Variants in DIS3 observed in about 807,000 individuals in gnomAD.
DIS3 encodes the protein DIS3 exosome endoribonuclease and 3'-5' exoribonuclease.
DIS3 carries 103 observed loss-of-function variants against 113.0 expected under a neutral mutation model. That is an observed-to-expected ratio of 0.91 (90% CI 0.78 to 1.07). DIS3 has a LOEUF of 1.07. Ranked by LOEUF, DIS3 falls within the 50% of genes least tolerant of loss-of-function variation. The probability of loss-of-function intolerance (pLI) is 0.00; values close to 1 mark genes in which losing one functional copy is unlikely to be tolerated. For missense variants in DIS3, 1,121 were observed against 1,167.1 expected, an observed-to-expected ratio of 0.96 and a Z score of 0.58; for synonymous variants, 402 against 394.3, an observed-to-expected ratio of 1.02 and a Z score of -0.23.
chr13:72,755,076 A>G lies in DIS3; in HGVS notation c.*4719T>C. 4 of 1,300,376 alleles carry G rather than the reference A, an allele frequency of 3.1e-6. No homozygotes were observed. The South Asian group carries it at 4.8e-5, about 16-fold the overall frequency. The allele number at this position is 1,300,376 out of a possible 1,614,324, so 80.6% of individuals were successfully genotyped here. ...TAAAGAAACGTGCTTTTAGGTTTTA[A>G]AAACAGTCCCGATAATTGCATCCTC... is the stretch of plus-strand genomic sequence containing the variant. On this transcript the variant is annotated 3_prime_UTR_variant, in exon 21 of 21. Transcript: ENST00000377767.
Position 72,763,734 on chromosome 13 carries a change from T to A in DIS3, c.1971-127A>T. On this transcript the variant is annotated intron_variant, in intron 15 of 20. Coordinates refer to ENST00000377767, the MANE Select transcript of DIS3 (RefSeq NM_014953.5). ...AGCATTTCCTATGTAAACATTCATATGTGTGTGTACATTTGTATTTTAAAT... is the reference window on the plus strand; with the variant it reads ...AGCATTTCCTATGTAAACATTCATAAGTGTGTGTACATTTGTATTTTAAAT... 7.9e-6 allele frequency: 7 copies of A among 889,122 alleles called. No individual in the cohort carries two copies. In the South Asian group the frequency reaches 1.3e-4, roughly 16 times the overall value. The allele number at this position is 889,122 out of a possible 1,614,324, so 55.1% of individuals were successfully genotyped here.
rs376383469 is a variant in DIS3, at chr13:72,761,387, G to A, written c.2646C>T (p.Asn882=). ...CCTCATCATCATAAATAAGCTGTGG[G>A]TTTGGTTTGTCCTTTTCTTCAAAAA... ...TVFFEEKDKP[N]PQLIYDDEIP... Residue 882 remains asparagine, a synonymous_variant, in exon 19 of 21, where the codon AAC becomes AAT. Transcript: ENST00000377767. 6.2e-7 allele frequency: 1 copy of A among 1,605,808 alleles called. No homozygotes were observed. The highest frequency in any genetic ancestry group is 1.7e-5 in the Admixed American group (1 of 57,278).
At chr13:72,781,337 G>A (rs2034208812) in intron 1 of DIS3, 3 of 1,551,016 alleles carry the variant, frequency 1.9e-6, no homozygotes, top group African/African-American at 1.4e-5. Flanking sequence ...CCAGGTCCCC[G>A]GCCTCCAGGC....
chr13:72,771,304 T>G (rs1032002846), intron 11 of DIS3, among the ~76,000 whole-genome samples, 159 bp from the exon 12 acceptor site: 2 of 152,202 alleles, frequency 1.3e-5, no homozygotes, highest in African/African-American at 4.8e-5. Flanking sequence ...AAGGTTTGTT[T>G]CTATAAAAGC....
chr13:72,766,452 CAATA>C (rs1356191320), intron 14 of DIS3, among the ~76,000 whole-genome samples: 2 of 151,986 alleles, frequency 1.3e-5, no homozygotes, highest in Non-Finnish European at 2.9e-5. Context: ...GGGCAGGGGA[CAATA>C]AAGAGGGGCA....
intron 6 of DIS3, 40 bp from the exon 7 acceptor site, chr13:72,774,099 A>G (rs1277342879): frequency 3.6e-6 from 5 of 1,384,930 alleles, no homozygotes; most frequent in Non-Finnish European, 5.0e-6. Context: ...ATATTCCTCT[A>G]AGTATTATCA....
rs1392012160 is a variant in DIS3, at chr13:72,753,402, G to A, written c.*6393C>T. 2 of 231,764 alleles carry A rather than the reference G, an allele frequency of 8.6e-6. No homozygotes were observed. The highest frequency in any genetic ancestry group is 1.7e-5 in the Non-Finnish European group (2 of 119,786). 14.4% of individuals were successfully genotyped at this position (231,764 alleles called of 1,614,324 possible). A position where few individuals can be genotyped will look rare whatever the true frequency, so the allele number is the denominator to read the frequency against. On this transcript the variant is annotated 3_prime_UTR_variant, in exon 21 of 21. Transcript: ENST00000377767. ...ATACTCATTTTTGTCTACTAGGTAC[G>A]ATCACAAAATAACAGGAAAGCATTG...
In DIS3 at chr13:72,773,801, T is replaced by C; in HGVS notation, c.1122A>G (p.Thr374=). Residue 374 remains threonine, a synonymous_variant, in exon 8 of 21, where the codon ACA becomes ACG. Transcript: ENST00000377767. ...TTCGAGGGATTCTCTTATCAGCAGGTGTAAAGAGATGTCTTCTTGACTAGC... is the reference window on the plus strand; with the variant it reads ...TTCGAGGGATTCTCTTATCAGCAGGCGTAAAGAGATGTCTTCTTGACTAGC... ...DIKESRRHLF[T]PADKRIPRIR... 1.2e-6 allele frequency: 2 copies of C among 1,612,604 alleles called. No homozygotes were observed. Among genetic ancestry groups the C allele is most frequent in the Non-Finnish European group, 1.7e-6 (2 of 1,179,692 alleles).
chr13:72,779,102 C>T (rs945485931), intron 2 of DIS3, among the ~76,000 whole-genome samples: 1 of 150,424 alleles, frequency 6.6e-6, no homozygotes, highest in Non-Finnish European at 1.5e-5. Context: ...TATTCCTCAT[C>T]GTTGAATGCA....
rs2033309691 is a variant in DIS3, at chr13:72,752,690, G to A, written c.*7105C>T. ...AAATGTTACACATCACAAGGCTTTT[G>A]TTCTAATTGGAACATGACCTCTAGT... On this transcript the variant is annotated 3_prime_UTR_variant, in exon 21 of 21. Coordinates refer to ENST00000377767, the MANE Select transcript of DIS3 (RefSeq NM_014953.5). 1 of 152,036 alleles carries A rather than the reference G, an allele frequency of 6.6e-6. No homozygotes were observed. The highest frequency in any genetic ancestry group is 1.5e-5 in the Non-Finnish European group (1 of 68,008). 9.4% of individuals were successfully genotyped at this position (152,036 alleles called of 1,614,324 possible).
At chr13:72,772,303 AAATT>A (rs748486212) in intron 9 of DIS3, 28 bp from the exon 10 acceptor site, 3 of 1,520,822 alleles carry the variant, frequency 2.0e-6, no homozygotes, top group Admixed American at 3.6e-5. Flanking sequence ...ATAAACAAAT[AAATT>A]ATTTCCAAAG....
intron 1 of DIS3, 64 bp downstream of exon 1, chr13:72,781,541 T>C: frequency 2.1e-6 from 3 of 1,460,480 alleles, no homozygotes; most frequent in South Asian, 1.4e-5. Flanking sequence ...TGGGCCTCAG[T>C]TTCCCTGTCA....
Position 72,775,223 on chromosome 13 carries a change from CTCT to C in DIS3, c.972_974del (p.Glu325del). On this transcript the variant is annotated inframe_deletion, in exon 6 of 21. Coordinates refer to ENST00000377767, the MANE Select transcript of DIS3 (RefSeq NM_014953.5). ...CTTAGATTCATACCATTCGTTCTGT[CTCT>C]TCTTCTTTCTCCACATCTTCTTCAT... 4 of 1,612,712 alleles carry C rather than the reference CTCT, an allele frequency of 2.5e-6. No homozygotes were observed. Among genetic ancestry groups the C allele is most frequent in the Non-Finnish European group, 3.4e-6 (4 of 1,179,350 alleles).
chr13:72,774,027 C>T lies in DIS3; in HGVS notation c.1020G>A (p.Lys340=), dbSNP rs371200848. 12 of 1,608,604 alleles carry T rather than the reference C, an allele frequency of 7.5e-6. No individual in the cohort carries two copies. Among genetic ancestry groups the T allele is most frequent in the African/African-American group, 5.4e-5 (4 of 74,524 alleles). ...LKTAVSEKML[K]PTGRVVGIIK... Reference sequence around the variant, plus strand: ...TTATTCCTACAACTCTACCTGTAGGCTTCAACATTTTCTCGCTTACAGCAG... The same window carrying T: ...TTATTCCTACAACTCTACCTGTAGGTTTCAACATTTTCTCGCTTACAGCAG... The change falls in exon 7 of 21, where the codon AAG becomes AAA. Residue 340 remains lysine, a synonymous_variant. Transcript: ENST00000377767.
intron 8 of DIS3, among the ~76,000 whole-genome samples, chr13:72,773,114 G>T (rs1256983327): frequency 6.6e-6 from 1 of 152,036 alleles, no homozygotes; most frequent in Non-Finnish European, 1.5e-5. Flanking sequence ...AAAATTTGTT[G>T]ATTAGAATCT....
chr13:72,761,648 G>A lies in DIS3; in HGVS notation c.2509C>T (p.Gln837Ter). 1 of 1,589,604 alleles carries A rather than the reference G, an allele frequency of 6.3e-7. No individual in the cohort carries two copies. The highest frequency in any genetic ancestry group is 8.5e-7 in the Non-Finnish European group (1 of 1,172,282). The change falls in exon 18 of 21, where the codon CAG (glutamine) becomes TAG (stop). Residue 837 changes from glutamine (Q) to a stop codon, truncating the protein, a stop_gained and splice_region_variant. Transcript: ENST00000377767. LOFTEE classifies it high-confidence loss of function. Reference sequence around the variant, plus strand: ...CAGTATCGACAAAAGGCAAATACCTGGGTATGAAAAGCCACTGATGCACGT... The same window carrying A: ...CAGTATCGACAAAAGGCAAATACCTAGGTATGAAAAGCCACTGATGCACGT... The part of the protein sequence containing the change: ...AQRASVAFHT[Q>*]LFFKSKGIVS...
chr13:72,755,165 A>AC lies in DIS3; in HGVS notation c.*4629dup, dbSNP rs757520782. 1.2e-6 allele frequency: 2 copies of AC among 1,613,886 alleles called. No individual in the cohort carries two copies. The highest frequency in any genetic ancestry group is 2.2e-5 in the South Asian group (2 of 91,084). On this transcript the variant is annotated 3_prime_UTR_variant, in exon 21 of 21. Transcript: ENST00000377767. Reference sequence around the variant, plus strand: ...CTTTTTCACAGCAAGACCACACAACACAGAGGTGTTGGATGAAAACAGCAA... The same window carrying AC: ...CTTTTTCACAGCAAGACCACACAACACCAGAGGTGTTGGATGAAAACAGCAA...
At chr13:72,774,665 A>C (rs1476950949) in intron 6 of DIS3, among the ~76,000 whole-genome samples, 2 of 152,146 alleles carry the variant, frequency 1.3e-5, no homozygotes, top group African/African-American at 4.8e-5. Context: ...AAACTGTTAC[A>C]TGCATTCCAA....
intron 20 of DIS3, 64 bp downstream of exon 20, chr13:72,760,465 C>G: frequency 6.3e-7 from 1 of 1,599,786 alleles, no homozygotes; most frequent in South Asian, 1.1e-5. Flanking sequence ...AACTACGTCC[C>G]TTCTTTGACA....
Sources: gnomAD v4.1 joint callset for allele counts (sites outside exome capture counted in the v4.1 genomes callset) on GRCh38, gnomAD v4.1.1 for gene constraint, MANE v1.5 for transcripts, NCBI Gene and HGNC (gene_info 2026-07-23, HGNC 2026-07-21) for gene names.